The following KIAA0319 variants were observed in gnomAD, a reference collection of about 807,000 sequenced individuals.
The protein encoded by KIAA0319 is KIAA0319, also known as dyslexia-associated protein KIAA0319.
Under a neutral mutation model 108.4 loss-of-function variants are expected in KIAA0319, and 83 were observed. That is an observed-to-expected ratio of 0.77 (90% CI 0.64 to 0.92). The LOEUF is 0.92. KIAA0319 is among the 40% of genes least tolerant of loss of function. The probability of loss-of-function intolerance (pLI) is 0.00; values close to 1 mark genes in which losing one functional copy is unlikely to be tolerated. For missense variants in KIAA0319, 1,195 were observed against 1,322.4 expected, an observed-to-expected ratio of 0.90 and a Z score of 1.49; for synonymous variants, 484 against 510.4, an observed-to-expected ratio of 0.95 and a Z score of 0.70.
At chr6:24,619,027 G>A (rs955575580) in intron 1 of KIAA0319, among the ~76,000 whole-genome samples, 3 of 152,120 alleles carry the variant, frequency 2.0e-5, no homozygotes, top group Admixed American at 1.3e-4. Context: ...CCAGGCAGAG[G>A]GAAAAAGAAA....
At chr6:24,542,936 C>A (rs1184837542), downstream of KIAA0319, among the ~76,000 whole-genome samples, 1 of 152,208 alleles carries the variant, frequency 6.6e-6, no homozygotes, top group Non-Finnish European at 1.5e-5. Context: ...ACTGACCAAT[C>A]AGAACTATGC....
chr6:24,550,301 C>T (rs1761285894), intron 20 of KIAA0319, among the ~76,000 whole-genome samples: 1 of 152,250 alleles, frequency 6.6e-6, no homozygotes, highest in Non-Finnish European at 1.5e-5. Context: ...GTCTCCAGGG[C>T]CTAACCCGGT....
chr6:24,555,144 G>C (rs11754176), intron 18 of KIAA0319, among the ~76,000 whole-genome samples: 284 of 152,272 alleles, frequency 1.9e-3, no homozygotes, highest in Non-Finnish European at 3.3e-3. Flanking sequence ...AACGTGAAAA[G>C]CTTTCAACAG....
intron 1 of KIAA0319, among the ~76,000 whole-genome samples, chr6:24,612,857 G>C (rs1267461053): frequency 1.3e-5 from 2 of 152,108 alleles, no homozygotes; most frequent in African/African-American, 4.8e-5. Flanking sequence ...GGAGTGCAGT[G>C]GCACGATCTC....
chr6:24,624,710 C>A (rs552402601), intron 1 of KIAA0319, among the ~76,000 whole-genome samples: 16 of 152,252 alleles, frequency 1.1e-4, no homozygotes, highest in African/African-American at 3.9e-4. Context: ...AATTACATTT[C>A]TCAACATCCC....
chr6:24,569,978 A>G lies in KIAA0319; in HGVS notation c.1916T>C (p.Val639Ala). ...GCTCCCATCCAGGGTAGCACTTTCC[A>G]CTGGGAAGATCAGCTCTTTATCAGG... Reference protein sequence around the residue: ...AGPDKELIFPVESATLDGSSS... With the variant: ...AGPDKELIFPAESATLDGSSS... Residue 639 changes from valine to alanine, a missense_variant, in exon 12 of 21, where the codon GTG becomes GCG. By Grantham distance (64) the Val-to-Ala change is moderately conservative (BLOSUM62 0). Coordinates refer to ENST00000378214, the MANE Select transcript of KIAA0319 (RefSeq NM_014809.4). 2 of 1,614,098 alleles carry G rather than the reference A, an allele frequency of 1.2e-6. No individual in the cohort carries two copies. Among genetic ancestry groups the G allele is most frequent in the Non-Finnish European group, 1.7e-6 (2 of 1,179,940 alleles).
At chr6:24,554,411 T>C in intron 19 of KIAA0319, 130 bp downstream of exon 19, 1 of 696,342 alleles carries the variant, frequency 1.4e-6, no homozygotes, top group Non-Finnish European at 2.5e-6. Flanking sequence ...GCACTTATGC[T>C]TTGTGGCAGA....
At chr6:24,609,015 G>A (rs567679555) in intron 1 of KIAA0319, among the ~76,000 whole-genome samples, 45 of 140,294 alleles carry the variant, frequency 3.2e-4, no homozygotes, top group African/African-American at 9.1e-4. Flanking sequence ...TGAGCCAACC[G>A]CTCACAGTTT....
chr6:24,607,914 C>T (rs184317914), intron 1 of KIAA0319, among the ~76,000 whole-genome samples: 3 of 152,168 alleles, frequency 2.0e-5, no homozygotes, highest in East Asian at 1.9e-4. Flanking sequence ...CAACTGTGAA[C>T]GAACTAATTG....
rs1046771274 is a variant in KIAA0319, at chr6:24,546,312, A to T, written c.*853T>A. ...CTATGGCAGTCCAAACGCACAGCCTACAGAACATAATAAATGCTTAATGAA... is the reference window on the plus strand; with the variant it reads ...CTATGGCAGTCCAAACGCACAGCCTTCAGAACATAATAAATGCTTAATGAA... On this transcript the variant is annotated 3_prime_UTR_variant, in exon 21 of 21. Transcript: ENST00000378214. 5 of 152,156 alleles carry T rather than the reference A, an allele frequency of 3.3e-5. No individual in the cohort carries two copies. The highest frequency in any genetic ancestry group is 1.2e-4 in the African/African-American group (5 of 41,434). The allele number at this position is 152,156 out of a possible 1,614,324, so 9.4% of individuals were successfully genotyped here. A position where few individuals can be genotyped will look rare whatever the true frequency, so the allele number is the denominator to read the frequency against.
At chr6:24,581,949 G>A (rs1270992224) in intron 6 of KIAA0319, among the ~76,000 whole-genome samples, 2 of 152,158 alleles carry the variant, frequency 1.3e-5, no homozygotes, top group Non-Finnish European at 2.9e-5. Flanking sequence ...TTCAAAACCA[G>A]CCTGGCCAAC....
intron 9 of KIAA0319, among the ~76,000 whole-genome samples, chr6:24,577,641 T>C (rs183724107): frequency 3.9e-5 from 6 of 152,252 alleles, no homozygotes; most frequent in African/African-American, 9.6e-5. Flanking sequence ...GGAAAAGACA[T>C]GTAGGGGGCA....
At chr6:24,550,391 C>T (rs1761300218) in intron 20 of KIAA0319, among the ~76,000 whole-genome samples, 1 of 152,206 alleles carries the variant, frequency 6.6e-6, no homozygotes, top group African/African-American at 2.4e-5. Flanking sequence ...ATTATATCTT[C>T]CATAAAAATT....
chr6:24,558,804 C>G (rs1762684513), intron 17 of KIAA0319, among the ~76,000 whole-genome samples: 1 of 152,164 alleles, frequency 6.6e-6, no homozygotes. Flanking sequence ...ACTTTAGGCC[C>G]ATAATTATTA....
chr6:24,579,444 C>CATATATATCTTATATATCTCAT (rs1561981958), intron 8 of KIAA0319, among the ~76,000 whole-genome samples: 3 of 118,626 alleles, frequency 2.5e-5, no homozygotes, highest in African/African-American at 7.2e-5. Flanking sequence ...TTATATATCT[C>CATATATATCTTATATATCTCAT]ATATATATCT....
intron 6 of KIAA0319, 66 bp downstream of exon 6, chr6:24,582,183 A>G (rs967125007): frequency 1.1e-6 from 1 of 882,914 alleles, no homozygotes; most frequent in Non-Finnish European, 1.9e-6. Context: ...GTAGCTAAGA[A>G]GGTATTAACT....
chr6:24,554,502 G>A (rs769467690), intron 19 of KIAA0319, 39 bp downstream of exon 19: 1 of 1,402,838 alleles, frequency 7.1e-7, no homozygotes. Context: ...CACACTTAGT[G>A]TAGGGTCTCT....
At chr6:24,552,289 C>T (rs1561910573) in intron 19 of KIAA0319, among the ~76,000 whole-genome samples, 1 of 152,214 alleles carries the variant, frequency 6.6e-6, no homozygotes, top group East Asian at 1.9e-4. Context: ...TAGTCCCTTT[C>T]TCACATGGTT....
Position 24,547,136 on chromosome 6 carries a change from G to A in KIAA0319, c.*29C>T, listed in dbSNP as rs758447360. On this transcript the variant is annotated 3_prime_UTR_variant, in exon 21 of 21. Transcript: ENST00000378214. ...CACTGACTGGTCTTGGATTCAAGGG[G>A]TCCTTCCACTTTACAATGAACTGCG... 1.6e-5 allele frequency: 26 copies of A among 1,611,310 alleles called. No individual in the cohort carries two copies. The highest frequency in any genetic ancestry group is 2.2e-5 in the South Asian group (2 of 90,896).
Sources: gnomAD v4.1 joint callset for allele counts (sites outside exome capture counted in the v4.1 genomes callset) on GRCh38, gnomAD v4.1.1 for gene constraint, MANE v1.5 for transcripts, NCBI Gene and HGNC (gene_info 2026-07-23, HGNC 2026-07-21) for gene names.